Variants in USP40 observed in about 807,000 individuals in gnomAD.
USP40 encodes the protein ubiquitin carboxyl-terminal hydrolase 40.
In USP40, 143 loss-of-function variants were observed where a neutral mutation model predicts 166.2. The ratio of observed to expected loss-of-function variants is 0.86; its 90% CI spans 0.75 to 0.99. The LOEUF is 0.99. USP40 is among the 50% of genes least tolerant of loss of function. The pLI is 0.00. For synonymous variants in USP40, 498 were observed against 524.0 expected (o/e 0.95, Z 0.68); for missense variants, 1,444 against 1,479.7 (o/e 0.98, Z 0.40).
intron 12 of USP40, 106 bp downstream of exon 12, chr2:233,529,325 T>G: frequency 4.4e-6 from 4 of 913,770 alleles, no homozygotes; most frequent in Non-Finnish European, 4.7e-6. Context: ...ATTAACAAGT[T>G]GACTATTTTT....
At chr2:233,559,124 T>C (rs1403597901) in intron 4 of USP40, among the ~76,000 whole-genome samples, 1 of 152,234 alleles carries the variant, frequency 6.6e-6, no homozygotes, top group Non-Finnish European at 1.5e-5. Flanking sequence ...TTTGTATAGC[T>C]ATAACAGCTC....
At position 233,551,398 on chromosome 2, in the gene USP40, T is replaced by C; in HGVS notation, c.815A>G (p.Asn272Ser). Residue 272 changes from asparagine to serine, a missense_variant, in exon 7 of 32, where the codon AAT becomes AGT. Asn to Ser is a conservative substitution (Grantham distance 46). Coordinates refer to ENST00000678225, the MANE Select transcript of USP40 (RefSeq NM_001365479.2). Reference protein sequence around the residue: ...TSCYTFPLRINLKPFCEQSEL... With the variant: ...TSCYTFPLRISLKPFCEQSEL... ...AACCTGTTCACAAAAGGGCTTGAGA[T>C]TAATCCGGAGAGGGAATGTATAACA... is the stretch of plus-strand genomic sequence containing the variant. 6.2e-6 allele frequency: 10 copies of C among 1,607,996 alleles called. No individual in the cohort carries two copies. Among genetic ancestry groups the C allele is most frequent in the East Asian group, 2.2e-5 (1 of 44,816 alleles).
At chr2:233,535,904 C>T (rs1254900951) in intron 10 of USP40, among the ~76,000 whole-genome samples, 1 of 151,948 alleles carries the variant, frequency 6.6e-6, no homozygotes, top group Non-Finnish European at 1.5e-5. Context: ...AACTTCACCA[C>T]AAAAAATAAG....
Position 233,524,599 on chromosome 2 carries a change from C to T in USP40, c.1811-37G>A, listed in dbSNP as rs763365780. The T allele has an allele frequency of 1.6e-5, 23 of 1,477,938 alleles. No homozygotes were observed. In the South Asian group the frequency reaches 3.0e-4, roughly 19 times the overall value. 91.6% of individuals were successfully genotyped at this position (1,477,938 alleles called of 1,614,324 possible). Reference sequence around the variant, plus strand: ...TCACCAGTGAGACCATTCATCATGACCATCAGAAACAACTGAGCTAAAGAA... The same window carrying T: ...TCACCAGTGAGACCATTCATCATGATCATCAGAAACAACTGAGCTAAAGAA... On this transcript the variant is annotated intron_variant, in intron 14 of 31. Coordinates refer to ENST00000678225, the MANE Select transcript of USP40 (RefSeq NM_001365479.2).
intron 10 of USP40, among the ~76,000 whole-genome samples, chr2:233,535,606 T>C (rs1023680852): frequency 2.0e-5 from 3 of 152,098 alleles, no homozygotes; most frequent in African/African-American, 7.2e-5. Context: ...AAGCCCAAAA[T>C]TTAACTTCCA....
At chr2:233,545,243 A>G (rs988507745) in intron 8 of USP40, among the ~76,000 whole-genome samples, 1 of 152,216 alleles carries the variant, frequency 6.6e-6, no homozygotes, top group African/African-American at 2.4e-5. Flanking sequence ...TGACAACGGG[A>G]TAAGAGATTT....
chr2:233,492,320 G>A (rs192764845), intron 25 of USP40, among the ~76,000 whole-genome samples: 7 of 152,254 alleles, frequency 4.6e-5, no homozygotes, highest in African/African-American at 1.4e-4. Context: ...TCACTCTACC[G>A]TGTTCACATA....
intron 8 of USP40, chr2:233,546,409 T>C (rs1002782296): frequency 6.6e-5 from 10 of 152,310 alleles, no homozygotes; most frequent in African/African-American, 2.2e-4. Flanking sequence ...AGATATTTTA[T>C]GCATCAAAAA....
chr2:233,492,132 A>G (rs1312558117), intron 25 of USP40, among the ~76,000 whole-genome samples: 2 of 152,262 alleles, frequency 1.3e-5, no homozygotes, highest in Non-Finnish European at 2.9e-5. Flanking sequence ...TAAGATTATA[A>G]TACTGTATTT....
rs754906656 is a variant in USP40 at position 233,493,505 on chromosome 2, G to A, written c.2837C>T (p.Ser946Leu). 47 of 1,613,678 alleles carry A rather than the reference G, an allele frequency of 2.9e-5. No homozygotes were observed. The highest frequency in any genetic ancestry group is 3.2e-5 in the Non-Finnish European group (38 of 1,179,776). The change falls in exon 25 of 32, where the codon TCA (serine) becomes TTA (leucine). Residue 946 changes from serine (S) to leucine (L), a missense_variant. By Grantham distance (145) the Ser-to-Leu change is moderately radical. Transcript: ENST00000678225. This position sits in a 1 kb window ranked among gnomAD's most constrained non-coding sequence, Gnocchi z 4.7. ...GTCCTGATGACTCTCCCAGTGTCCT[G>A]AGGGACCCTGAAGCTGGTACCACCA... The part of the protein sequence containing the change: ...PIWWYQLQGP[S>L]GHWESHQDQT...
chr2:233,484,455 G>A (rs946662480), intron 30 of USP40, among the ~76,000 whole-genome samples: 2 of 150,648 alleles, frequency 1.3e-5, no homozygotes, highest in Admixed American at 6.6e-5. Flanking sequence ...TCATTTATCT[G>A]TGTAGTCTTT....
In USP40 at chr2:233,476,853, A is replaced by C. The variant is rs1234806521; in HGVS notation, c.*539T>G. The C allele has an allele frequency of 3.1e-5, 6 of 191,592 alleles. No homozygotes were observed. The highest frequency in any genetic ancestry group is 4.8e-5 in the African/African-American group (2 of 42,064). The allele number at this position is 191,592 out of a possible 1,614,324, so 11.9% of individuals were successfully genotyped here. A position where few individuals can be genotyped will look rare whatever the true frequency, so the allele number is the denominator to read the frequency against. On this transcript the variant is annotated 3_prime_UTR_variant, in exon 32 of 32. Transcript: ENST00000678225. ...TCAGACCAAAGGGCAGACGTGGAGC[A>C]TGCGGGGCCGGAACGAGTGGGGGAA...
chr2:233,557,338 C>T (rs1481890944), intron 4 of USP40, among the ~76,000 whole-genome samples: 4 of 152,220 alleles, frequency 2.6e-5, no homozygotes, highest in African/African-American at 9.6e-5. Context: ...ATATACCAGG[C>T]ACAGACCAGT....
chr2:233,497,863 C>A (rs1470903882), intron 23 of USP40, among the ~76,000 whole-genome samples: 1 of 152,230 alleles, frequency 6.6e-6, no homozygotes, highest in Non-Finnish European at 1.5e-5. Flanking sequence ...CCCCAGCATA[C>A]CTCCCTAAAT....
chr2:233,544,776 G>A (rs906805554), intron 8 of USP40, among the ~76,000 whole-genome samples: 1 of 151,900 alleles, frequency 6.6e-6, no homozygotes, highest in Non-Finnish European at 1.5e-5. Context: ...CCACGACCTA[G>A]AAAAAAAATC....
chr2:233,553,873 C>G (rs1217317140), intron 6 of USP40, among the ~76,000 whole-genome samples: 1 of 152,052 alleles, frequency 6.6e-6, no homozygotes, highest in Non-Finnish European at 1.5e-5. Flanking sequence ...CTTGACTGTA[C>G]AGAAAGAAAA....
Position 233,490,928 on chromosome 2 carries a change from A to C in USP40, c.3012+239T>G, listed in dbSNP as rs1164032057. ...AATGAACAAAAGCCGCAAGTCACTG[A>C]GGATAGATTGAAACAAAAGCACAGC... is the stretch of plus-strand genomic sequence containing the variant. On this transcript the variant is annotated intron_variant, in intron 26 of 31. Coordinates refer to ENST00000678225, the MANE Select transcript of USP40 (RefSeq NM_001365479.2). 7 of 640,596 alleles carry C rather than the reference A, an allele frequency of 1.1e-5. No homozygotes were observed. In the Admixed American group the frequency reaches 1.7e-4, roughly 15 times the overall value. The allele number at this position is 640,596 out of a possible 1,614,324, so 39.7% of individuals were successfully genotyped here. A position where few individuals can be genotyped will look rare whatever the true frequency, so the allele number is the denominator to read the frequency against.
rs2071766835 is a variant in USP40, at chr2:233,562,769, AC to A, written c.233del (p.Gly78ValfsTer30). On this transcript the variant is annotated frameshift_variant, in exon 3 of 32. Coordinates refer to ENST00000678225, the MANE Select transcript of USP40 (RefSeq NM_001365479.2). LOFTEE classifies it high-confidence loss of function. ...ALFSLGPEEL[G>X]LFEDKDKPDA... The stretch of plus-strand genomic sequence containing the variant: ...CGGGTTTATCCTTATCTTCAAACAA[AC>A]CAAGCTCTTCTGGGCCAAGAGAAAA... 1 of 1,538,558 alleles carries A rather than the reference AC, an allele frequency of 6.5e-7. No individual in the cohort carries two copies. Among genetic ancestry groups the A allele is most frequent in the Non-Finnish European group, 8.8e-7 (1 of 1,140,000 alleles).
In USP40 at chr2:233,480,620, C is replaced by T. The variant is rs2064516432; in HGVS notation, c.3599+583G>A. ...CAGAGCCAGACAACGGCAGGCGGCG[C>T]CAGAGCTGGGAGGAGGGAGAGAGGC... On this transcript the variant is annotated intron_variant, in intron 31 of 31. Coordinates refer to ENST00000678225, the MANE Select transcript of USP40 (RefSeq NM_001365479.2). This position sits in a 1 kb window ranked among gnomAD's most constrained non-coding sequence, Gnocchi z 4.5. Among the ~76,000 whole-genome samples the T allele has an allele frequency of 6.6e-6, 1 of 152,194 alleles. No homozygotes were observed. Among genetic ancestry groups the T allele is most frequent in the South Asian group, 2.1e-4 (1 of 4,832 alleles).
Sources: allele counts gnomAD v4.1 joint callset (sites outside exome capture counted in the v4.1 genomes callset), GRCh38; gene constraint gnomAD v4.1.1; non-coding constraint Gnocchi (gnomAD v3.1); transcripts MANE v1.5; gene names NCBI Gene and HGNC (gene_info 2026-07-23, HGNC 2026-07-21).